The following PSIP1 variants were observed in gnomAD, a reference collection of about 807,000 sequenced individuals.
PSIP1 encodes PC4 and SRSF1 interacting protein 1.
PSIP1 carries 19 observed loss-of-function variants against 74.7 expected under a neutral mutation model. That is an observed-to-expected ratio of 0.25 (90% CI 0.18 to 0.37). The LOEUF (loss-of-function observed/expected upper bound fraction) is 0.37, where lower values mean the gene tolerates loss of function less well. Ranked by LOEUF, PSIP1 falls within the 10% of genes least tolerant of loss-of-function variation. PSIP1 has a pLI of 1.00. For missense variants in PSIP1, 601 were observed against 614.3 expected, an observed-to-expected ratio of 0.98 and a Z score of 0.23; for synonymous variants, 222 against 195.3, an observed-to-expected ratio of 1.14 and a Z score of -1.14.
intron 3 of PSIP1, among the ~76,000 whole-genome samples, chr9:15,503,631 T>C (rs2037446917): frequency 6.6e-6 from 1 of 150,860 alleles, no homozygotes; most frequent in African/African-American, 2.4e-5. Context: ...CTGTGTTCCA[T>C]CCTGGGCCAT....
intron 5 of PSIP1, 117 bp downstream of exon 5, chr9:15,486,710 C>A: frequency 4.1e-6 from 3 of 730,168 alleles, no homozygotes; most frequent in African/African-American, 1.8e-5. Context: ...TAAATATTTT[C>A]TAATTCACTT....
intron 11 of PSIP1, 143 bp downstream of exon 11, chr9:15,469,795 A>G: frequency 3.1e-6 from 2 of 641,294 alleles, no homozygotes; most frequent in Non-Finnish European, 5.2e-6. Flanking sequence ...TGCAATTTAT[A>G]TAAAGCCCAT....
intron 2 of PSIP1, among the ~76,000 whole-genome samples, chr9:15,509,416 C>T (rs1025435659): frequency 1.3e-5 from 2 of 152,216 alleles, no homozygotes; most frequent in Non-Finnish European, 2.9e-5. Flanking sequence ...ATCCTGGGTC[C>T]TTAATCATTT....
rs754121357 is a variant in PSIP1 at position 15,465,370 on chromosome 9, C to T, written c.*150G>A. 1.5e-6 allele frequency: 1 copy of T among 654,782 alleles called. No homozygotes were observed. The highest frequency in any genetic ancestry group is 2.0e-5 in the South Asian group (1 of 49,378). The allele number at this position is 654,782 out of a possible 1,614,324, so 40.6% of individuals were successfully genotyped here. On this transcript the variant is annotated 3_prime_UTR_variant, in exon 16 of 16. Coordinates refer to ENST00000380733, the MANE Select transcript of PSIP1 (RefSeq NM_033222.5). ...CAAGTACACTTAGCGATAATGTTTA[C>T]TTTACTTTAAAACAAAGGGATTTTC...
At chr9:15,485,876 A>G in intron 6 of PSIP1, 130 bp downstream of exon 6, 1 of 749,536 alleles carries the variant, frequency 1.3e-6, no homozygotes, top group South Asian at 2.3e-5. Flanking sequence ...AGTAAAACAT[A>G]ACCCATAAAA....
Position 15,465,381 on chromosome 9 carries a change from A to G in PSIP1, c.*139T>C. On this transcript the variant is annotated 3_prime_UTR_variant, in exon 16 of 16. Coordinates refer to ENST00000380733, the MANE Select transcript of PSIP1 (RefSeq NM_033222.5). The stretch of plus-strand genomic sequence containing the variant: ...AGCGATAATGTTTACTTTACTTTAA[A>G]ACAAAGGGATTTTCTCCCTCAAAAC... 1.4e-6 allele frequency: 1 copy of G among 705,864 alleles called. No homozygotes were observed. Among genetic ancestry groups the G allele is most frequent in the Non-Finnish European group, 2.4e-6 (1 of 425,526 alleles). The allele number at this position is 705,864 out of a possible 1,614,324, so 43.7% of individuals were successfully genotyped here.
chr9:15,467,126 C>CAT (rs1367558871), intron 14 of PSIP1, among the ~76,000 whole-genome samples: 1 of 152,118 alleles, frequency 6.6e-6, no homozygotes, highest in African/African-American at 2.4e-5. Flanking sequence ...TCTATGAGTA[C>CAT]AGGAAGTGGA....
At chr9:15,502,114 G>C (rs2037376837) in intron 3 of PSIP1, among the ~76,000 whole-genome samples, 1 of 152,038 alleles carries the variant, frequency 6.6e-6, no homozygotes, top group Admixed American at 6.6e-5. Context: ...AATGGCTGCT[G>C]ATCTGAGGTG....
intron 10 of PSIP1, chr9:15,470,538 A>G: frequency 1.1e-6 from 1 of 869,846 alleles, no homozygotes; most frequent in Non-Finnish European, 1.4e-6. Flanking sequence ...ATAACCACTT[A>G]AAATTGAAAT....
In PSIP1 at chr9:15,474,029, C is replaced by A; in HGVS notation, c.838G>T (p.Asp280Tyr). Residue 280 changes from aspartate (D) to tyrosine (Y), a missense_variant, in exon 9 of 16, where the codon GAT becomes TAT. Coordinates refer to ENST00000380733, the MANE Select transcript of PSIP1 (RefSeq NM_033222.5). ...TSTSDSEEEG[D>Y]DQEGEKKRKG... ...TATACCTTTTCACCTTCTTGATCAT[C>A]TCCTTCTTCTTCAGAATCGGAGGTT... 6.2e-7 allele frequency: 1 copy of A among 1,612,628 alleles called. No homozygotes were observed. Among genetic ancestry groups the A allele is most frequent in the Non-Finnish European group, 8.5e-7 (1 of 1,179,468 alleles).
chr9:15,500,244 T>C (rs2037274955), intron 3 of PSIP1, among the ~76,000 whole-genome samples: 1 of 152,036 alleles, frequency 6.6e-6, no homozygotes, highest in Non-Finnish European at 1.5e-5. Context: ...GGCAGGAGGA[T>C]CATGACGTCA....
intron 8 of PSIP1, among the ~76,000 whole-genome samples, chr9:15,476,998 A>G (rs1260047686): frequency 6.6e-6 from 1 of 152,182 alleles, no homozygotes; most frequent in Non-Finnish European, 1.5e-5. Flanking sequence ...GCCAAAAGCC[A>G]AGAAGACAAA....
chr9:15,509,988 G>C (rs1279519376), intron 2 of PSIP1, 129 bp downstream of exon 2: 1 of 890,816 alleles, frequency 1.1e-6, no homozygotes, highest in African/African-American at 1.7e-5. Context: ...TAAAATGAAA[G>C]GTCAGGTTAC....
In PSIP1 at chr9:15,465,551, A is replaced by G. The variant is rs2035563602; in HGVS notation, c.1562T>C (p.Ile521Thr). 1.3e-6 allele frequency: 2 copies of G among 1,585,812 alleles called. No homozygotes were observed. Among genetic ancestry groups the G allele is most frequent in the Admixed American group, 1.7e-5 (1 of 58,714 alleles). Reference sequence around the variant, plus strand: ...ATCTAGTGTAGAATCCTTCAGAGATATTTCAGTCTCTCTCTCTTCACTGGA... The same window carrying G: ...ATCTAGTGTAGAATCCTTCAGAGATGTTTCAGTCTCTCTCTCTTCACTGGA... ...KPSSEERETEISLKDSTLDN is the reference protein window; with the variant it reads ...KPSSEERETETSLKDSTLDN Residue 521 changes from isoleucine (I) to threonine (T), a missense_variant, in exon 16 of 16, where the codon ATA becomes ACA. By Grantham distance (89) the Ile-to-Thr change is moderately conservative. Coordinates refer to ENST00000380733, the MANE Select transcript of PSIP1 (RefSeq NM_033222.5).
chr9:15,493,861 C>G (rs568696108), intron 3 of PSIP1, among the ~76,000 whole-genome samples: 1 of 152,112 alleles, frequency 6.6e-6, no homozygotes, highest in Admixed American at 6.5e-5. Context: ...TATTACAATT[C>G]GAGGTGTAAT....
chr9:15,497,477 C>T (rs2037136193), intron 3 of PSIP1, among the ~76,000 whole-genome samples: 1 of 152,032 alleles, frequency 6.6e-6, no homozygotes, highest in Non-Finnish European at 1.5e-5. Flanking sequence ...CAGGCATGTG[C>T]AACCACGCCT....
At chr9:15,466,931 T>C (rs2035663120) in intron 14 of PSIP1, 72 bp from the exon 15 acceptor site, 4 of 1,160,594 alleles carry the variant, frequency 3.4e-6, no homozygotes, top group South Asian at 1.3e-5. Context: ...CCACTAAAGA[T>C]CCAGAATCAA....
intron 9 of PSIP1, 71 bp downstream of exon 9, chr9:15,473,933 AAAAAC>A: frequency 2.1e-6 from 2 of 966,778 alleles, no homozygotes; most frequent in African/African-American, 2.7e-5. Flanking sequence ...AAAACAAAAA[AAAAAC>A]AAAGAAAAAA....
intron 6 of PSIP1, among the ~76,000 whole-genome samples, chr9:15,481,901 G>T (rs559652564): frequency 1.2e-4 from 19 of 152,144 alleles, no homozygotes; most frequent in African/African-American, 4.6e-4. Flanking sequence ...TTTATCTAAA[G>T]AAAGGACCAA....
Sources: gnomAD v4.1 joint callset for allele counts (sites outside exome capture counted in the v4.1 genomes callset) on GRCh38, gnomAD v4.1.1 for gene constraint, MANE v1.5 for transcripts, NCBI Gene and HGNC (gene_info 2026-07-23, HGNC 2026-07-21) for gene names.